RBM46: variants seen among roughly 807,000 people sequenced by gnomAD.
RBM46 encodes probable RNA-binding protein 46.
RBM46 carries 12 observed loss-of-function variants against 43.3 expected under a neutral mutation model. The observed-to-expected ratio is 0.28, with a 90% confidence interval of 0.18 to 0.45. The LOEUF (loss-of-function observed/expected upper bound fraction) is 0.45, where lower values mean the gene tolerates loss of function less well. Among genes scored for constraint, RBM46 ranks in the 20% least tolerant of loss-of-function variants. The probability of loss-of-function intolerance (pLI) is 1.00; values close to 1 mark genes in which losing one functional copy is unlikely to be tolerated. For synonymous variants in RBM46, 205 were observed against 207.6 expected (o/e 0.99, Z 0.11); for missense variants, 412 against 639.1 (o/e 0.64, Z 3.83).
intron 4 of RBM46, among the ~76,000 whole-genome samples, chr4:154,812,978 C>T (rs1472649194): frequency 6.6e-6 from 1 of 151,976 alleles, no homozygotes; most frequent in Non-Finnish European, 1.5e-5. Flanking sequence ...TTTTTATTTA[C>T]TCAAAATTTT....
At chr4:154,781,771 C>G (rs1163875252) in intron 1 of RBM46, 1 of 153,016 alleles carries the variant, frequency 6.5e-6, no homozygotes, top group Non-Finnish European at 1.5e-5. Flanking sequence ...CCCCCGCTGC[C>G]TTCCGGCCGC....
chr4:154,816,917 T>A (rs1438641902), intron 4 of RBM46, among the ~76,000 whole-genome samples: 1 of 152,190 alleles, frequency 6.6e-6, no homozygotes, highest in African/African-American at 2.4e-5. Context: ...TTTTTGCATC[T>A]AGTTAATTAC....
intron 4 of RBM46, among the ~76,000 whole-genome samples, chr4:154,813,966 T>C (rs1735307346): frequency 6.6e-6 from 1 of 152,058 alleles, no homozygotes; most frequent in South Asian, 2.1e-4. Context: ...ACCAGTAAAA[T>C]CTTCAAAGAT....
At chr4:154,787,424 A>G (rs1027878108) in intron 1 of RBM46, 1 of 147,420 alleles carries the variant, frequency 6.8e-6, no homozygotes, top group Non-Finnish European at 1.5e-5. Flanking sequence ...ATGAGTGAGA[A>G]CATGCAGTGT....
intron 1 of RBM46, chr4:154,790,429 A>G (rs1734025714): frequency 6.6e-6 from 1 of 152,216 alleles, no homozygotes; most frequent in Non-Finnish European, 1.5e-5. Context: ...AGCTTGCTCC[A>G]TCTGCTCCAC....
At chr4:154,800,385 G>A (rs1444803237) in intron 4 of RBM46, among the ~76,000 whole-genome samples, 1 of 152,124 alleles carries the variant, frequency 6.6e-6, no homozygotes, top group Non-Finnish European at 1.5e-5. Context: ...TATCACTCAT[G>A]AAAGACAAAA....
At chr4:154,807,758 A>G (rs544542529) in intron 4 of RBM46, among the ~76,000 whole-genome samples, 1 of 152,004 alleles carries the variant, frequency 6.6e-6, no homozygotes, top group South Asian at 2.1e-4. Context: ...AGTATCCCCA[A>G]ATAATTAGAA....
At chr4:154,809,209 TTTA>T (rs1189097928) in intron 4 of RBM46, among the ~76,000 whole-genome samples, 1 of 152,020 alleles carries the variant, frequency 6.6e-6, no homozygotes, top group Non-Finnish European at 1.5e-5. Context: ...TATGTATTTT[TTTA>T]TTGTGATTTA....
chr4:154,790,219 A>G (rs1434554933), intron 1 of RBM46: 1 of 151,936 alleles, frequency 6.6e-6, no homozygotes, highest in Non-Finnish European at 1.5e-5. Context: ...CTAGCTTTTG[A>G]ATGTGTTTGC....
At chr4:154,800,309 C>T (rs1734570957) in intron 4 of RBM46, among the ~76,000 whole-genome samples, 1 of 152,072 alleles carries the variant, frequency 6.6e-6, no homozygotes, top group Non-Finnish European at 1.5e-5. Flanking sequence ...TTAGTAAAAT[C>T]AGTGGGATTT....
chr4:154,781,600 G>T (rs1733465400), intron 1 of RBM46, 164 bp downstream of exon 1: 1 of 152,350 alleles, frequency 6.6e-6, no homozygotes, highest in Non-Finnish European at 1.5e-5. Flanking sequence ...GAGGGCAAGT[G>T]TCCGAGACGC....
At position 154,799,217 on chromosome 4, in the gene RBM46, CTCG is replaced by C; in HGVS notation, c.1058_1060del (p.Arg353del). 6.2e-7 allele frequency: 1 copy of C among 1,614,144 alleles called. No homozygotes were observed. Among genetic ancestry groups the C allele is most frequent in the Non-Finnish European group, 8.5e-7 (1 of 1,180,014 alleles). ...CTAGGCAAGCTGCCAACTCTTCCTG[CTCG>C]TCTCAATGGTCAGCATAGCCCAAGT... On this transcript the variant is annotated inframe_deletion, in exon 4 of 5. Coordinates refer to ENST00000281722, the MANE Select transcript of RBM46 (RefSeq NM_144979.5).
rs1400800714 is a variant in RBM46 at position 154,828,206 on chromosome 4, G to T, written c.*139G>T. 4.7e-6 allele frequency: 3 copies of T among 641,286 alleles called. No individual in the cohort carries two copies. The highest frequency in any genetic ancestry group is 5.5e-5 in the East Asian group (2 of 36,664). 39.7% of individuals were successfully genotyped at this position (641,286 alleles called of 1,614,324 possible). ...ATTTATTCCAAAGTACTAAACATCA[G>T]CTATAATTCAGAATAACATGGAGTT... On this transcript the variant is annotated 3_prime_UTR_variant, in exon 5 of 5. Coordinates refer to ENST00000281722, the MANE Select transcript of RBM46 (RefSeq NM_144979.5).
At chr4:154,795,626 G>T (rs1734315345) in intron 1 of RBM46, among the ~76,000 whole-genome samples, 1 of 151,992 alleles carries the variant, frequency 6.6e-6, no homozygotes, top group Non-Finnish European at 1.5e-5. Flanking sequence ...TTATTTTTTA[G>T]AAGGAGCTCC....
chr4:154,798,754 T>C (rs2111133615), intron 3 of RBM46, 28 bp from the exon 4 acceptor site: 1 of 1,372,834 alleles, frequency 7.3e-7, no homozygotes, highest in East Asian at 2.7e-5. Context: ...ATTTTAATTC[T>C]CTTCAAATTA....
intron 4 of RBM46, 130 bp from the exon 5 acceptor site, chr4:154,827,738 T>C: frequency 6.6e-7 from 1 of 1,514,282 alleles, no homozygotes; most frequent in South Asian, 1.3e-5. Context: ...ACCAGCAATA[T>C]AGTATCATCA....
At chr4:154,788,260 C>G (rs970866688) in intron 1 of RBM46, among the ~76,000 whole-genome samples, 10 of 152,214 alleles carry the variant, frequency 6.6e-5, no homozygotes, top group African/African-American at 2.4e-4. Context: ...AAGTCCTTGC[C>G]CATGCCTGTG....
At chr4:154,794,344 C>T (rs998680527) in intron 1 of RBM46, among the ~76,000 whole-genome samples, 1 of 151,926 alleles carries the variant, frequency 6.6e-6, no homozygotes, top group Non-Finnish European at 1.5e-5. Context: ...CCACGCCCGG[C>T]TAAATTTTTC....
intron 1 of RBM46, among the ~76,000 whole-genome samples, chr4:154,794,046 C>A (rs1734226632): frequency 6.6e-6 from 1 of 152,220 alleles, no homozygotes; most frequent in African/African-American, 2.4e-5. Flanking sequence ...GCCTGTTTAT[C>A]TCACAGTATG....
Sources: allele counts gnomAD v4.1 joint callset (sites outside exome capture counted in the v4.1 genomes callset), GRCh38; gene constraint gnomAD v4.1.1; transcripts MANE v1.5; gene names NCBI Gene and HGNC (gene_info 2026-07-23, HGNC 2026-07-21).